Variants in PLXDC2 observed in about 807,000 individuals in gnomAD.
PLXDC2 encodes plexin domain-containing protein 2.
PLXDC2 carries 40 observed loss-of-function variants against 68.9 expected under a neutral mutation model. The ratio of observed to expected loss-of-function variants is 0.58; its 90% CI spans 0.45 to 0.76. PLXDC2 has a LOEUF of 0.76. PLXDC2 is among the 30% of genes least tolerant of loss of function. The pLI is 0.00. For missense variants in PLXDC2, 644 were observed against 661.9 expected, an observed-to-expected ratio of 0.97 and a Z score of 0.30; for synonymous variants, 243 against 234.2, an observed-to-expected ratio of 1.04 and a Z score of -0.34.
intron 1 of PLXDC2, among the ~76,000 whole-genome samples, chr10:19,868,001 G>A (rs768875952): frequency 7.2e-5 from 11 of 152,120 alleles, no homozygotes; most frequent in Non-Finnish European, 1.2e-4. Context: ...ATTTGTCAAT[G>A]CCTATTTAGA....
intron 1 of PLXDC2, among the ~76,000 whole-genome samples, chr10:19,826,746 G>GT (rs1554837944): frequency 2.8e-4 from 43 of 151,954 alleles, no homozygotes; most frequent in African/African-American, 3.6e-4. Context: ...TAAAAAAGGT[G>GT]GTTTTTTTGT....
chr10:20,279,802 G>C lies in PLXDC2; in HGVS notation c.1573G>C (p.Val525Leu), dbSNP rs968731400. Reference protein sequence around the residue: ...EPVGEKEGFIVSEQC With the variant: ...EPVGEKEGFILSEQC ...AGTTGGAGAGAAAGAAGGCTTTATTGTATCAGAGCAGTGCTAAAATTTCTA... is the reference window on the plus strand; with the variant it reads ...AGTTGGAGAGAAAGAAGGCTTTATTCTATCAGAGCAGTGCTAAAATTTCTA... Residue 525 changes from valine (V) to leucine (L), a missense_variant, in exon 14 of 14, where the codon GTA becomes CTA. By Grantham distance (32) the Val-to-Leu change is conservative. Around this residue, in one of 3 missense-constraint regions of PLXDC2, gnomAD observed 330 missense variants for 327.9 expected, o/e 1.01. Transcript: ENST00000377252. 6.2e-7 allele frequency: 1 copy of C among 1,613,722 alleles called. No homozygotes were observed. Among genetic ancestry groups the C allele is most frequent in the Non-Finnish European group, 8.5e-7 (1 of 1,179,852 alleles).
intron 1 of PLXDC2, among the ~76,000 whole-genome samples, chr10:19,818,049 CAGTGAAGAA>C (rs985899070): frequency 3.9e-5 from 6 of 151,914 alleles, no homozygotes; most frequent in African/African-American, 1.5e-4. Flanking sequence ...TTCTGCCTTT[CAGTGAAGAA>C]AGTGAAGACA....
chr10:20,280,796 C>T lies in PLXDC2; in HGVS notation c.*977C>T, dbSNP rs932861235. 1.3e-5 allele frequency: 2 copies of T among 152,084 alleles called. No individual in the cohort carries two copies. The highest frequency in any genetic ancestry group is 4.8e-5 in the African/African-American group (2 of 41,402). 9.4% of individuals were successfully genotyped at this position (152,084 alleles called of 1,614,324 possible). A position where few individuals can be genotyped will look rare whatever the true frequency, so the allele number is the denominator to read the frequency against. On this transcript the variant is annotated 3_prime_UTR_variant, in exon 14 of 14. Coordinates refer to ENST00000377252, the MANE Select transcript of PLXDC2 (RefSeq NM_032812.9). ...CCTTTTCAGTACTAAACACCCATTT[C>T]ATTGCTGATTCCTGTCTAAGAAGCC...
intron 1 of PLXDC2, among the ~76,000 whole-genome samples, chr10:19,912,617 C>G (rs1833294543): frequency 6.6e-6 from 1 of 151,926 alleles, no homozygotes; most frequent in Non-Finnish European, 1.5e-5. Context: ...CATCTATTTT[C>G]TTTACTCTTC....
Position 20,020,177 on chromosome 10 carries a change from A to ATTTTTTTTTTTTTTTTTT in PLXDC2, c.324+18191_324+18192insTTTTTTTTTTTTTTTTTT, listed in dbSNP as rs1564659038. 2.6e-4 allele frequency among the ~76,000 whole-genome samples: 26 copies of ATTTTTTTTTTTTTTTTTT among 98,184 alleles called. 1 individual carries two copies. The highest frequency in any genetic ancestry group is 1.1e-3 in the African/African-American group (25 of 22,714). 64.4% of individuals were successfully genotyped at this position (98,184 alleles called of 152,430 possible). A position where few individuals can be genotyped will look rare whatever the true frequency, so the allele number is the denominator to read the frequency against. On this transcript the variant is annotated intron_variant, in intron 2 of 13. Coordinates refer to ENST00000377252, the MANE Select transcript of PLXDC2 (RefSeq NM_032812.9). Reference sequence around the variant, plus strand: ...CAAACACATGCCACCACACCCAGCAAATTTTTTTTTTTTTTTTTTTTTTGT... The same window carrying ATTTTTTTTTTTTTTTTTT: ...CAAACACATGCCACCACACCCAGCAATTTTTTTTTTTTTTTTTTATTTTTTTTTTTTTTTTTTTTTTGT...
At chr10:19,941,844 A>G (rs1363939307) in intron 1 of PLXDC2, among the ~76,000 whole-genome samples, 1 of 152,064 alleles carries the variant, frequency 6.6e-6, no homozygotes, top group Non-Finnish European at 1.5e-5. Context: ...GGATTGTTTC[A>G]CATAGCTCTT....
intron 2 of PLXDC2, among the ~76,000 whole-genome samples, chr10:20,021,678 A>ATTATTTATTTATTTAT (rs71388891): frequency 0.063 from 9,408 of 148,430 alleles, 364 homozygotes; most frequent in Middle Eastern, 0.12. Flanking sequence ...ATTTTTTTTT[A>ATTATTTATTTATTTAT]TTATTTATTT....
intron 7 of PLXDC2, among the ~76,000 whole-genome samples, chr10:20,166,744 C>A (rs1834381495): frequency 6.6e-6 from 1 of 152,018 alleles, no homozygotes; most frequent in African/African-American, 2.4e-5. Flanking sequence ...ATTTTTTTTA[C>A]AAATGTAGTT....
chr10:20,095,375 A>C (rs1833336816), intron 4 of PLXDC2, among the ~76,000 whole-genome samples: 1 of 152,140 alleles, frequency 6.6e-6, no homozygotes, highest in African/African-American at 2.4e-5. Flanking sequence ...ATATTTACAA[A>C]GTGGTGAGGA....
intron 13 of PLXDC2, among the ~76,000 whole-genome samples, chr10:20,258,008 T>C (rs1195133124): frequency 1.6e-3 from 234 of 143,832 alleles, no homozygotes; most frequent in Middle Eastern, 7.0e-3. Flanking sequence ...TTTTTTTTTT[T>C]TTTTTTTTTT....
At position 20,270,691 on chromosome 10, in the gene PLXDC2, C is replaced by T. The variant is rs1835926798; in HGVS notation, c.1474-9012C>T. Among the ~76,000 whole-genome samples, 4 of 152,022 alleles carry T rather than the reference C, an allele frequency of 2.6e-5. No homozygotes were observed. The South Asian group carries it at 6.2e-4, about 24-fold the overall frequency. On this transcript the variant is annotated intron_variant, in intron 13 of 13. Coordinates refer to ENST00000377252, the MANE Select transcript of PLXDC2 (RefSeq NM_032812.9). ...TCCCAATTAGCTGGGATTACAGGCA[C>T]CTGCCACCACACCCTGCTAATTTTT...
chr10:20,111,751 A>C (rs893755760), intron 4 of PLXDC2, among the ~76,000 whole-genome samples: 2 of 152,210 alleles, frequency 1.3e-5, no homozygotes, highest in African/African-American at 4.8e-5. Context: ...TCATTCTCCC[A>C]GAGGACAAGT....
intron 1 of PLXDC2, among the ~76,000 whole-genome samples, chr10:19,955,526 A>G (rs1834055928): frequency 6.6e-6 from 1 of 152,150 alleles, no homozygotes; most frequent in African/African-American, 2.4e-5. Context: ...GGCTGCCTTC[A>G]TTCAGGTTAA....
intron 12 of PLXDC2, among the ~76,000 whole-genome samples, chr10:20,226,249 C>T (rs769008750): frequency 6.6e-6 from 1 of 152,312 alleles, no homozygotes; most frequent in South Asian, 2.1e-4. Context: ...CATTATACCT[C>T]CTAACTCATG....
At chr10:19,921,862 A>C (rs967186947) in intron 1 of PLXDC2, among the ~76,000 whole-genome samples, 2 of 151,650 alleles carry the variant, frequency 1.3e-5, no homozygotes, top group Non-Finnish European at 2.9e-5. Context: ...ATTTTTTTTA[A>C]TTTTTTTATT....
chr10:19,870,510 C>T (rs1007619339), intron 1 of PLXDC2, among the ~76,000 whole-genome samples: 1 of 152,102 alleles, frequency 6.6e-6, no homozygotes, highest in African/African-American at 2.4e-5. Flanking sequence ...ACTGCAATCT[C>T]TGCCTCCCGG....
intron 1 of PLXDC2, among the ~76,000 whole-genome samples, chr10:19,867,085 G>A (rs77047354): frequency 2.7e-5 from 1 of 36,816 alleles, no homozygotes; most frequent in Non-Finnish European, 5.2e-5. Flanking sequence ...TTTTTTTTTT[G>A]ACAGAGTTTC....
intron 1 of PLXDC2, among the ~76,000 whole-genome samples, chr10:19,916,076 G>A (rs535749303): frequency 1.9e-4 from 28 of 151,204 alleles, no homozygotes; most frequent in Admixed American, 6.6e-4. Context: ...AATGTGAGCC[G>A]CATCAACGTA....
Sources: allele counts gnomAD v4.1 joint callset (sites outside exome capture counted in the v4.1 genomes callset), GRCh38; gene constraint gnomAD v4.1.1; regional missense constraint gnomAD v4.1.1; transcripts MANE v1.5; gene names NCBI Gene and HGNC (gene_info 2026-07-23, HGNC 2026-07-21).